PAQR8: variants seen among roughly 807,000 people sequenced by gnomAD.
The protein encoded by PAQR8 is progestin and adipoQ receptor family member 8.
A neutral mutation model predicts 25.2 loss-of-function variants in PAQR8; 17 were observed. That is an observed-to-expected ratio of 0.67 (90% CI 0.46 to 1.01). PAQR8 has a LOEUF of 1.01. Among genes scored for constraint, PAQR8 ranks in the 50% least tolerant of loss-of-function variants. PAQR8 has a pLI of 0.00. For missense variants in PAQR8, 392 were observed against 448.4 expected (o/e 0.87, Z 1.14); for synonymous variants, 204 against 190.6 (o/e 1.07, Z -0.58).
Position 52,406,557 on chromosome 6 carries a change from A to T in PAQR8, c.*2279A>T, listed in dbSNP as rs1265079738. ...GTATTGGCCCCTCAAGTGGTTGGAA[A>T]TTTTTTTTTTAATCTCTTTTTCTGA... On this transcript the variant is annotated 3_prime_UTR_variant, in exon 2 of 2. Transcript: ENST00000442253. 4 of 401,888 alleles carry T rather than the reference A, an allele frequency of 1.0e-5. No individual in the cohort carries two copies. Among genetic ancestry groups the T allele is most frequent in the Admixed American group, 9.0e-5 (2 of 22,204 alleles). 24.9% of individuals were successfully genotyped at this position (401,888 alleles called of 1,614,324 possible).
In PAQR8 at chr6:52,386,685, C is replaced by T. The variant is rs113139807; in HGVS notation, c.-52-16477C>T. On this transcript the variant is annotated intron_variant, in intron 1 of 1. Coordinates refer to ENST00000442253, the MANE Select transcript of PAQR8 (RefSeq NM_133367.5). ...ACTACAAGAAGGGAGAAGGAGGGAC[C>T]GGGGCAAGGTTGAAAAACTACCTGT... Among the ~76,000 whole-genome samples the T allele has an allele frequency of 1.4e-4, 21 of 152,126 alleles. 1 individual carries two copies. Among genetic ancestry groups the T allele is most frequent in the South Asian group, 1.0e-3 (5 of 4,812 alleles).
rs1388014838 is a variant in PAQR8 at position 52,403,921 on chromosome 6, CCTGG to C, written c.716_719del (p.Gly239AlafsTer102). On this transcript the variant is annotated frameshift_variant, in exon 2 of 2. Transcript: ENST00000442253. LOFTEE classifies it high-confidence loss of function. Reference sequence around the variant, plus strand: ...TGGCACACCGTGTGGCGCTCTGTCACCTGGCTGGCTGCCAGGAGCAAGCAGCCTG... The same window carrying C: ...TGGCACACCGTGTGGCGCTCTGTCACCTGGCTGCCAGGAGCAAGCAGCCTG... 1.2e-6 allele frequency: 2 copies of C among 1,614,134 alleles called. No homozygotes were observed. The highest frequency in any genetic ancestry group is 1.7e-6 in the Non-Finnish European group (2 of 1,180,048).
At chr6:52,385,021 G>A (rs1763613398) in intron 1 of PAQR8, among the ~76,000 whole-genome samples, 1 of 152,156 alleles carries the variant, frequency 6.6e-6, no homozygotes, top group African/African-American at 2.4e-5. Flanking sequence ...ACTCACAATG[G>A]ATTAAAGACT....
intron 1 of PAQR8, among the ~76,000 whole-genome samples, chr6:52,378,973 T>G (rs1347986149): frequency 6.6e-6 from 1 of 151,378 alleles, no homozygotes; most frequent in African/African-American, 2.4e-5. Flanking sequence ...GGTGGGCGCC[T>G]GTAGTCCCAG....
At chr6:52,372,543 C>T (rs1039268179) in intron 1 of PAQR8, among the ~76,000 whole-genome samples, 2 of 152,084 alleles carry the variant, frequency 1.3e-5, no homozygotes, top group Admixed American at 6.5e-5. Context: ...CTCTGATCTA[C>T]AACAGATTAC....
chr6:52,374,715 C>A (rs1204384671), intron 1 of PAQR8, among the ~76,000 whole-genome samples: 1 of 152,010 alleles, frequency 6.6e-6, no homozygotes, highest in African/African-American at 2.4e-5. Context: ...GATTCCTAAA[C>A]CTCTGTTTCC....
At position 52,404,191 on chromosome 6, in the gene PAQR8, C is replaced by T; in HGVS notation, c.978C>T (p.Ser326=). The change falls in exon 2 of 2, where the codon TCC becomes TCT. Residue 326 remains serine (S), a synonymous_variant. Transcript: ENST00000442253. ...TATCTGTCCACATGGCCTGCCTCTCCTTCTTCTTCCTGGCTGCCTGCAGTG... is the reference window on the plus strand; with the variant it reads ...TATCTGTCCACATGGCCTGCCTCTCTTTCTTCTTCCTGGCTGCCTGCAGTG... The part of the protein sequence containing the change: ...GPLSVHMACL[S]FFFLAACSAA... 2 of 1,613,918 alleles carry T rather than the reference C, an allele frequency of 1.2e-6. No homozygotes were observed. Among genetic ancestry groups the T allele is most frequent in the Non-Finnish European group, 1.7e-6 (2 of 1,179,866 alleles).
Position 52,362,677 on chromosome 6 carries a change from G to C in PAQR8, c.-53+428G>C, listed in dbSNP as rs1391835278. On this transcript the variant is annotated intron_variant, in intron 1 of 1. Coordinates refer to ENST00000442253, the MANE Select transcript of PAQR8 (RefSeq NM_133367.5). This position sits in a 1 kb window ranked among gnomAD's most constrained non-coding sequence, Gnocchi z 4.1. ...AGACGTGGGGGAGTCCGACAGGGCA[G>C]AACGAGGGGCGTCCTGTCCGCATTT... is the stretch of plus-strand genomic sequence containing the variant. 2.0e-5 allele frequency among the ~76,000 whole-genome samples: 3 copies of C among 152,178 alleles called. No homozygotes were observed. Among genetic ancestry groups the C allele is most frequent in the Non-Finnish European group, 4.4e-5 (3 of 68,022 alleles).
intron 1 of PAQR8, among the ~76,000 whole-genome samples, chr6:52,398,956 G>T (rs577101354): frequency 6.6e-6 from 1 of 151,626 alleles, no homozygotes; most frequent in Non-Finnish European, 1.5e-5. Context: ...TATGGTGGTT[G>T]TATCCCTGGA....
At chr6:52,381,130 C>G (rs1763554347) in intron 1 of PAQR8, among the ~76,000 whole-genome samples, 2 of 148,598 alleles carry the variant, frequency 1.3e-5, no homozygotes, top group Non-Finnish European at 3.0e-5. Flanking sequence ...GTCTTCTGGT[C>G]AAGAATTCTA....
At chr6:52,376,509 T>C (rs1261480076) in intron 1 of PAQR8, among the ~76,000 whole-genome samples, 1 of 152,212 alleles carries the variant, frequency 6.6e-6, no homozygotes, top group Admixed American at 6.5e-5. Context: ...AGAGATACTT[T>C]TCCATTTTGG....
At chr6:52,382,724 CCA>C (rs1156758932) in intron 1 of PAQR8, among the ~76,000 whole-genome samples, 1 of 151,964 alleles carries the variant, frequency 6.6e-6, no homozygotes, top group African/African-American at 2.4e-5. Flanking sequence ...TGAAAACCAC[CCA>C]CAATGCATAG....
chr6:52,379,019 C>T (rs537189616), intron 1 of PAQR8, among the ~76,000 whole-genome samples: 7 of 146,598 alleles, frequency 4.8e-5, no homozygotes, highest in African/African-American at 1.8e-4. Context: ...ATTGCTTGCA[C>T]GTGGGAGGCA....
intron 1 of PAQR8, among the ~76,000 whole-genome samples, chr6:52,401,644 T>G (rs921946076): frequency 2.0e-5 from 3 of 152,156 alleles, no homozygotes; most frequent in African/African-American, 7.2e-5. Flanking sequence ...ATGTTAAATT[T>G]AGGTCACATG....
chr6:52,370,003 G>A (rs540016917), intron 1 of PAQR8, among the ~76,000 whole-genome samples: 17 of 152,132 alleles, frequency 1.1e-4, no homozygotes, highest in African/African-American at 4.1e-4. Context: ...AACTGATTCC[G>A]CAAATCTTGG....
intron 1 of PAQR8, among the ~76,000 whole-genome samples, chr6:52,400,369 G>C (rs1456384140): frequency 6.6e-6 from 1 of 152,202 alleles, no homozygotes; most frequent in Non-Finnish European, 1.5e-5. Context: ...CAAGCACTTT[G>C]TTAAACACTT....
rs371554425 is a variant in PAQR8, at chr6:52,368,109, A to G, written c.-53+5860A>G. On this transcript the variant is annotated intron_variant, in intron 1 of 1. Coordinates refer to ENST00000442253, the MANE Select transcript of PAQR8 (RefSeq NM_133367.5). ...GCCAGGTGTGGTGGCACGTGCCTGT[A>G]GTCCCAACTACTTGGGACGTGCACA... 6.8e-4 allele frequency among the ~76,000 whole-genome samples: 103 copies of G among 152,334 alleles called. 1 individual carries two copies. Among genetic ancestry groups the G allele is most frequent in the African/African-American group, 2.4e-3 (98 of 41,580 alleles).
intron 1 of PAQR8, among the ~76,000 whole-genome samples, chr6:52,381,513 T>TGGGA (rs1581792003): frequency 1.3e-5 from 2 of 152,104 alleles, no homozygotes; most frequent in Non-Finnish European, 2.9e-5. Context: ...GAGGCTGAGG[T>TGGGA]GGGAGAATAG....
In PAQR8 at chr6:52,403,654, C is replaced by T; in HGVS notation, c.441C>T (p.Asp147=). Residue 147 remains aspartate, a synonymous_variant, in exon 2 of 2, where the codon GAC becomes GAT. Coordinates refer to ENST00000442253, the MANE Select transcript of PAQR8 (RefSeq NM_133367.5). ...ELSHYTFYFV[D]YVGVSVYQYG... ...CCCACTACACCTTCTACTTTGTGGA[C>T]TATGTTGGCGTGAGCGTTTACCAAT... 1 of 1,614,204 alleles carries T rather than the reference C, an allele frequency of 6.2e-7. No individual in the cohort carries two copies. The highest frequency in any genetic ancestry group is 1.1e-5 in the South Asian group (1 of 91,084).
Sources: gnomAD v4.1 joint callset for allele counts (sites outside exome capture counted in the v4.1 genomes callset) on GRCh38, gnomAD v4.1.1 for gene constraint, Gnocchi (gnomAD v3.1) non-coding constraint, MANE v1.5 for transcripts, NCBI Gene and HGNC (gene_info 2026-07-23, HGNC 2026-07-21) for gene names.